Variants in NCBP3 observed in about 807,000 individuals in gnomAD.
NCBP3 encodes nuclear cap binding subunit 3, also known as nuclear cap-binding protein subunit 3.
Under a neutral mutation model 75.7 loss-of-function variants are expected in NCBP3, and 20 were observed. The observed-to-expected ratio is 0.26, with a 90% CI of 0.19 to 0.38. The LOEUF (loss-of-function observed/expected upper bound fraction) is 0.38, where lower values mean the gene tolerates loss of function less well. Ranked by LOEUF, NCBP3 falls within the 10% of genes least tolerant of loss-of-function variation. The probability of loss-of-function intolerance (pLI) is 1.00; values close to 1 mark genes in which losing one functional copy is unlikely to be tolerated. For missense variants in NCBP3, 678 were observed against 796.9 expected, an observed-to-expected ratio of 0.85 and a Z score of 1.80; for synonymous variants, 293 against 290.5, an observed-to-expected ratio of 1.01 and a Z score of -0.09.
At chr17:3,830,568 A>C (rs1025951777) in intron 3 of NCBP3, among the ~76,000 whole-genome samples, 2 of 152,222 alleles carry the variant, frequency 1.3e-5, no homozygotes, top group African/African-American at 4.8e-5. Flanking sequence ...GTCAAAAAAG[A>C]AACTTAGCCT....
In NCBP3 at chr17:3,824,990, T is replaced by TA; in HGVS notation, c.747dup (p.Asn250Ter). 1 of 1,546,700 alleles carries TA rather than the reference T, an allele frequency of 6.5e-7. No homozygotes were observed. The highest frequency in any genetic ancestry group is 8.7e-7 in the Non-Finnish European group (1 of 1,144,772). ...AACCTATTTCCTTTAGCAAGTTTGTTAGCTGGACGAAGATCGTTTCTTAAC... is the reference window on the plus strand; with the variant it reads ...AACCTATTTCCTTTAGCAAGTTTGTTAAGCTGGACGAAGATCGTTTCTTAAC... On this transcript the variant is annotated frameshift_variant, in exon 7 of 13. Coordinates refer to ENST00000389005, the MANE Select transcript of NCBP3 (RefSeq NM_001114118.3). LOFTEE classifies it high-confidence loss of function.
At chr17:3,826,359 A>G (rs142591039) in intron 4 of NCBP3, 144 bp from the exon 5 acceptor site, 40 of 821,024 alleles carry the variant, frequency 4.9e-5, no homozygotes, top group Non-Finnish European at 6.1e-5. Flanking sequence ...AATGAAGAGA[A>G]ATATAGACCA....
chr17:3,845,168 G>A (rs2054139068), intron 1 of NCBP3, among the ~76,000 whole-genome samples: 2 of 152,218 alleles, frequency 1.3e-5, no homozygotes, highest in African/African-American at 4.8e-5. Flanking sequence ...ACACAATATA[G>A]TGAATGGTAA....
chr17:3,831,382 C>T (rs1479587065), intron 3 of NCBP3, among the ~76,000 whole-genome samples: 6 of 151,646 alleles, frequency 4.0e-5, no homozygotes, highest in African/African-American at 1.4e-4. Flanking sequence ...GACCATCTGG[C>T]CAACATGGTG....
intron 3 of NCBP3, among the ~76,000 whole-genome samples, chr17:3,834,220 A>G (rs2053936187): frequency 6.6e-6 from 1 of 152,232 alleles, no homozygotes. Context: ...CAGTCTACAC[A>G]GTAACATGGA....
chr17:3,829,407 C>T, intron 3 of NCBP3, 39 bp from the exon 4 acceptor site: 1 of 1,545,968 alleles, frequency 6.5e-7, no homozygotes, highest in Non-Finnish European at 8.8e-7. Context: ...TAGAATTTTC[C>T]TGTCCGCAAC....
intron 3 of NCBP3, among the ~76,000 whole-genome samples, chr17:3,832,378 A>C (rs1489714434): frequency 8.3e-6 from 1 of 120,520 alleles, no homozygotes; most frequent in Non-Finnish European, 2.0e-5. Context: ...TCACGCCTGT[A>C]ATCCCAGCAC....
At chr17:3,825,555 CT>C (rs1014371466) in intron 6 of NCBP3, among the ~76,000 whole-genome samples, 1 of 152,080 alleles carries the variant, frequency 6.6e-6, no homozygotes, top group Non-Finnish European at 1.5e-5. Flanking sequence ...AAACTATTTT[CT>C]TTTTTTGTAG....
intron 3 of NCBP3, among the ~76,000 whole-genome samples, chr17:3,837,463 C>G (rs2053993583): frequency 6.6e-6 from 1 of 151,496 alleles, no homozygotes; most frequent in Non-Finnish European, 1.5e-5. Context: ...CGCCACTGCA[C>G]TCCAGCCTGG....
intron 3 of NCBP3, among the ~76,000 whole-genome samples, chr17:3,834,341 C>G (rs1597409997): frequency 6.6e-6 from 1 of 152,202 alleles, no homozygotes; most frequent in South Asian, 2.1e-4. Flanking sequence ...AGACTGTTGA[C>G]AATGACGGGG....
chr17:3,806,961 G>T lies in NCBP3; in HGVS notation c.*6083C>A, dbSNP rs544063375. 6.6e-6 allele frequency: 1 copy of T among 152,120 alleles called. No homozygotes were observed. The highest frequency in any genetic ancestry group is 2.1e-4 in the South Asian group (1 of 4,826). 9.4% of individuals were successfully genotyped at this position (152,120 alleles called of 1,614,324 possible). On this transcript the variant is annotated 3_prime_UTR_variant, in exon 13 of 13. Transcript: ENST00000389005. The stretch of plus-strand genomic sequence containing the variant: ...AAAGCAATTACTGTACTTATGTATC[G>T]AACTTATTTGTGTAGCAACTAATTC...
chr17:3,844,713 G>A (rs138379306), intron 1 of NCBP3, among the ~76,000 whole-genome samples: 3 of 152,300 alleles, frequency 2.0e-5, no homozygotes, highest in South Asian at 2.1e-4. Flanking sequence ...AGCCGGGCAC[G>A]GTGGCACATC....
intron 12 of NCBP3, among the ~76,000 whole-genome samples, chr17:3,813,506 G>A (rs935559881): frequency 2.0e-5 from 3 of 152,098 alleles, no homozygotes; most frequent in Non-Finnish European, 2.9e-5. Flanking sequence ...ACCGTGGGGG[G>A]ACAGGTCAGG....
rs1455940768 is a variant in NCBP3, at chr17:3,802,507, T to C, written c.*10537A>G. Reference sequence around the variant, plus strand: ...CTGTATGAAACAGAAGTTAAACAGTTGTAAAAGCAAAATTCCAGGTCTGGT... The same window carrying C: ...CTGTATGAAACAGAAGTTAAACAGTCGTAAAAGCAAAATTCCAGGTCTGGT... On this transcript the variant is annotated 3_prime_UTR_variant, in exon 13 of 13. Coordinates refer to ENST00000389005, the MANE Select transcript of NCBP3 (RefSeq NM_001114118.3). 1 of 152,200 alleles carries C rather than the reference T, an allele frequency of 6.6e-6. No homozygotes were observed. Among genetic ancestry groups the C allele is most frequent in the Non-Finnish European group, 1.5e-5 (1 of 68,044 alleles). 9.4% of individuals were successfully genotyped at this position (152,200 alleles called of 1,614,324 possible).
intron 1 of NCBP3, among the ~76,000 whole-genome samples, chr17:3,843,437 T>C (rs994800832): frequency 2.6e-5 from 4 of 152,216 alleles, no homozygotes; most frequent in Non-Finnish European, 5.9e-5. Context: ...TCTCCCTATG[T>C]TGCCCAGGCT....
chr17:3,829,333 A>C lies in NCBP3; in HGVS notation c.391T>G (p.Cys131Gly). 1 of 1,551,922 alleles carries C rather than the reference A, an allele frequency of 6.4e-7. No individual in the cohort carries two copies. Among genetic ancestry groups the C allele is most frequent in the Non-Finnish European group, 8.7e-7 (1 of 1,147,002 alleles). The change falls in exon 4 of 13, where the codon TGC becomes GGC. Residue 131 changes from cysteine to glycine, a missense_variant. Transcript: ENST00000389005. ...TGGGTGCTCATCTCATCTACTCCGC[A>C]AATATAGATTGTCTCCAGTCTCACC... ...PKVRLETIYI[C>G]GVDEMSTQDV...
At chr17:3,843,399 ATTTTT>A (rs552123830) in intron 1 of NCBP3, among the ~76,000 whole-genome samples, 1 of 150,158 alleles carries the variant, frequency 6.7e-6, no homozygotes, top group Non-Finnish European at 1.5e-5. Flanking sequence ...TGCCCAGCTA[ATTTTT>A]TTTTTATTTT....
In NCBP3 at chr17:3,813,017, G is replaced by A. The variant is rs763199345; in HGVS notation, c.*27C>T. Reference sequence around the variant, plus strand: ...CCCTGTGCAAGAATGTCAGGCTTTAGGGCAGCTGCCATAGGCCCCAGGGGC... The same window carrying A: ...CCCTGTGCAAGAATGTCAGGCTTTAAGGCAGCTGCCATAGGCCCCAGGGGC... On this transcript the variant is annotated 3_prime_UTR_variant, in exon 13 of 13. Transcript: ENST00000389005. 6.8e-6 allele frequency: 11 copies of A among 1,613,540 alleles called. No homozygotes were observed. The East Asian group carries it at 2.5e-4, about 36-fold the overall frequency.
rs1314868360 is a variant in NCBP3 at position 3,804,781 on chromosome 17, C to CCCTCATCTGAGCCACCTACAAGGT, written c.*8262_*8263insACCTTGTAGGTGGCTCAGATGAGG. 1 of 152,188 alleles carries CCCTCATCTGAGCCACCTACAAGGT rather than the reference C, an allele frequency of 6.6e-6. No homozygotes were observed. The highest frequency in any genetic ancestry group is 1.5e-5 in the Non-Finnish European group (1 of 68,064). The allele number at this position is 152,188 out of a possible 1,614,324, so 9.4% of individuals were successfully genotyped here. ...TCAGTGCCAAGGCCTCACATGCGAG[C>CCCTCATCTGAGCCACCTACAAGGT]CCTCATCTGAGCCTCTCAGCCACCT... is the stretch of plus-strand genomic sequence containing the variant. On this transcript the variant is annotated 3_prime_UTR_variant, in exon 13 of 13. Coordinates refer to ENST00000389005, the MANE Select transcript of NCBP3 (RefSeq NM_001114118.3).
Sources: gnomAD v4.1 joint callset for allele counts (sites outside exome capture counted in the v4.1 genomes callset) on GRCh38, gnomAD v4.1.1 for gene constraint, MANE v1.5 for transcripts, NCBI Gene and HGNC (gene_info 2026-07-23, HGNC 2026-07-21) for gene names.